Variants in DPP6 observed in about 807,000 individuals in gnomAD.
DPP6 encodes A-type potassium channel modulatory protein DPP6.
DPP6 carries 69 observed loss-of-function variants against 122.6 expected under a neutral mutation model. The ratio of observed to expected loss-of-function variants is 0.56; its 90% confidence interval spans 0.46 to 0.69. The LOEUF (loss-of-function observed/expected upper bound fraction) is 0.69. Ranked by LOEUF, DPP6 falls within the 30% of genes least tolerant of loss-of-function variation. The pLI, the probability that DPP6 is intolerant of heterozygous loss-of-function variation, is 0.00. For missense variants in DPP6, 928 were observed against 1,116.9 expected, an observed-to-expected ratio of 0.83 and a Z score of 2.41; for synonymous variants, 418 against 433.1, an observed-to-expected ratio of 0.97 and a Z score of 0.43.
chr7:154,706,097 C>A (rs546613328), intron 7 of DPP6, among the ~76,000 whole-genome samples: 1 of 152,184 alleles, frequency 6.6e-6, no homozygotes, highest in Non-Finnish European at 1.5e-5. Flanking sequence ...TGACAACCAG[C>A]GCCCTTCAGT....
Position 154,091,107 on chromosome 7 carries a change from C to T in DPP6, c.243+38044C>T, listed in dbSNP as rs563320428. ...CTGCACTCCAGCTTGGGCAACAGAGCAAGACTCCTTCTCAAAAAAAAAAAA... is the reference window on the plus strand; with the variant it reads ...CTGCACTCCAGCTTGGGCAACAGAGTAAGACTCCTTCTCAAAAAAAAAAAA... On this transcript the variant is annotated intron_variant, in intron 1 of 25. Transcript: ENST00000377770. Among the ~76,000 whole-genome samples, 827 of 143,502 alleles carry T rather than the reference C, an allele frequency of 5.8e-3. 13 individuals are homozygous for T. The highest frequency in any genetic ancestry group is 0.02 in the African/African-American group (757 of 37,144). 94.1% of individuals were successfully genotyped at this position (143,502 alleles called of 152,430 possible). A position where few individuals can be genotyped will look rare whatever the true frequency, so the allele number is the denominator to read the frequency against.
chr7:154,391,209 G>A (rs1232257132), intron 1 of DPP6, among the ~76,000 whole-genome samples: 1 of 152,186 alleles, frequency 6.6e-6, no homozygotes, highest in African/African-American at 2.4e-5. Flanking sequence ...AAAATACCAA[G>A]AGCAGCCGCC....
At chr7:154,717,762 A>G (rs1275389506) in intron 7 of DPP6, among the ~76,000 whole-genome samples, 2 of 152,204 alleles carry the variant, frequency 1.3e-5, no homozygotes, top group African/African-American at 2.4e-5. Flanking sequence ...TCTACCCAGT[A>G]TACAACCATA....
chr7:154,796,061 C>T, intron 12 of DPP6, 178 bp downstream of exon 12: 1 of 956,814 alleles, frequency 1.0e-6, no homozygotes, highest in Non-Finnish European at 1.5e-6. Context: ...CCAGGGTTGC[C>T]CAGAGAGCTC....
chr7:154,609,729 A>T (rs956513560), intron 5 of DPP6, among the ~76,000 whole-genome samples: 4 of 152,190 alleles, frequency 2.6e-5, no homozygotes, highest in Non-Finnish European at 5.9e-5. Flanking sequence ...CTGTAGGAAG[A>T]TATGTGTGCA....
the DPP6 span, among the ~76,000 whole-genome samples, chr7:153,776,401 T>C: frequency 6.6e-6 from 1 of 152,126 alleles, no homozygotes; most frequent in Non-Finnish European, 1.5e-5. Flanking sequence ...TTTTCCCCCT[T>C]TGCTTGGCAC....
intron 1 of DPP6, among the ~76,000 whole-genome samples, chr7:154,008,139 A>G (rs2129047906): frequency 6.6e-6 from 1 of 152,256 alleles, no homozygotes; most frequent in East Asian, 1.9e-4. Flanking sequence ...TGTTGCAACA[A>G]TCCAGGGATG....
chr7:154,819,686 TAAAAC>T (rs1158594974), intron 16 of DPP6, among the ~76,000 whole-genome samples: 1 of 151,848 alleles, frequency 6.6e-6, no homozygotes, highest in East Asian at 1.9e-4. Context: ...ATAGAAGAAA[TAAAAC>T]AAAAACAAAA....
At chr7:154,587,760 T>G (rs1442444246) in intron 5 of DPP6, 4 of 1,593,272 alleles carry the variant, frequency 2.5e-6, no homozygotes, top group Admixed American at 1.8e-5. Flanking sequence ...GTTTTCTTCA[T>G]TACATCACCA....
intron 1 of DPP6, among the ~76,000 whole-genome samples, chr7:154,031,838 C>A: frequency 6.7e-6 from 1 of 149,830 alleles, no homozygotes; most frequent in African/African-American, 2.5e-5. Flanking sequence ...AAACAGGAGT[C>A]TCATTCTTTT....
At chr7:153,821,034 G>A in the DPP6 span, among the ~76,000 whole-genome samples, 1 of 151,692 alleles carries the variant, frequency 6.6e-6, no homozygotes, top group Non-Finnish European at 1.5e-5. Context: ...GTTGGATTTG[G>A]TGATGATAGT....
At chr7:154,281,201 C>T (rs925490270) in intron 1 of DPP6, among the ~76,000 whole-genome samples, 7 of 151,856 alleles carry the variant, frequency 4.6e-5, no homozygotes, top group East Asian at 1.9e-4. Flanking sequence ...TTAGTAGAGA[C>T]GGGGTTTCAC....
intron 1 of DPP6, among the ~76,000 whole-genome samples, chr7:154,032,523 G>A (rs1799297754): frequency 6.6e-6 from 1 of 152,066 alleles, no homozygotes; most frequent in Admixed American, 6.5e-5. Flanking sequence ...TTTCCCTGAT[G>A]TATCTTTAAA....
intron 25 of DPP6, 189 bp downstream of exon 25, chr7:154,889,719 C>T (rs1317198735): frequency 3.4e-6 from 3 of 876,228 alleles, no homozygotes; most frequent in Non-Finnish European, 5.1e-6. Flanking sequence ...TTAATGATAG[C>T]TCCGCTCTGT....
At chr7:153,952,209 C>A (rs1802251669) in intron 1 of DPP6, among the ~76,000 whole-genome samples, 1 of 152,198 alleles carries the variant, frequency 6.6e-6, no homozygotes, top group Non-Finnish European at 1.5e-5. Context: ...TGTTTTAACA[C>A]TTAGTATATG....
At chr7:154,671,430 C>T (rs1838545549) in intron 7 of DPP6, among the ~76,000 whole-genome samples, 1 of 152,216 alleles carries the variant, frequency 6.6e-6, no homozygotes, top group Non-Finnish European at 1.5e-5. Context: ...AATGTGACCA[C>T]ATGTCAAGGT....
the DPP6 span, among the ~76,000 whole-genome samples, chr7:153,773,019 A>G: frequency 2.3e-4 from 34 of 145,918 alleles, no homozygotes; most frequent in African/African-American, 7.6e-4. Context: ...CATATATTAT[A>G]TAATAATATA....
chr7:154,077,670 A>G (rs1337359381), intron 1 of DPP6, among the ~76,000 whole-genome samples: 14 of 141,706 alleles, frequency 9.9e-5, no homozygotes, highest in Non-Finnish European at 2.2e-4. Context: ...ATTTATTATT[A>G]TTATTATTTT....
rs201991764 is a variant in DPP6 at position 154,445,345 on chromosome 7, CTTA to C, written c.244-864_244-862del. Among the ~76,000 whole-genome samples, 100 of 152,232 alleles carry C rather than the reference CTTA, an allele frequency of 6.6e-4. 1 individual carries two copies. Among genetic ancestry groups the C allele is most frequent in the East Asian group, 5.2e-3 (27 of 5,168 alleles). On this transcript the variant is annotated intron_variant, in intron 1 of 25. Transcript: ENST00000377770. Reference sequence around the variant, plus strand: ...CCATGTGTAACTATTATATTTATTACTTATTATCAAGCATTCATATGATCCTTT... The same window carrying C: ...CCATGTGTAACTATTATATTTATTACTTATCAAGCATTCATATGATCCTTT...
Sources: gnomAD v4.1 joint callset for allele counts (sites outside exome capture counted in the v4.1 genomes callset) on GRCh38, gnomAD v4.1.1 for gene constraint, MANE v1.5 for transcripts, NCBI Gene and HGNC (gene_info 2026-07-23, HGNC 2026-07-21) for gene names.